The following DNAH12 variants were observed in gnomAD, a reference collection of about 807,000 sequenced individuals.
DNAH12 encodes the protein dynein axonemal heavy chain 12, also known as axonemal beta dynein heavy chain 12.
Under a neutral mutation model 371.5 loss-of-function variants are expected in DNAH12, and 285 were observed. That is an observed-to-expected ratio of 0.77 (90% CI 0.70 to 0.85). The LOEUF (loss-of-function observed/expected upper bound fraction) is 0.85. DNAH12 is among the 40% of genes least tolerant of loss of function. The pLI, the probability that DNAH12 is intolerant of heterozygous loss-of-function variation, is 0.00. For missense variants in DNAH12, 3,611 were observed against 3,689.4 expected (o/e 0.98, Z 0.55); for synonymous variants, 1,200 against 1,213.0 (o/e 0.99, Z 0.22).
At chr3:57,363,042 TGTATAAG>T (rs1176486758) in intron 58 of DNAH12, among the ~76,000 whole-genome samples, 2 of 152,214 alleles carry the variant, frequency 1.3e-5, no homozygotes, top group African/African-American at 4.8e-5. Flanking sequence ...AATTAATTTT[TGTATAAG>T]GTATAAGGGA....
At position 57,429,542 on chromosome 3, in the gene DNAH12, C is replaced by T. The variant is rs2064890833; in HGVS notation, c.5064+149G>A. The T allele has an allele frequency of 4.4e-6, 3 of 684,016 alleles. No homozygotes were observed. In the East Asian group the frequency reaches 9.6e-5, roughly 22 times the overall value. 42.4% of individuals were successfully genotyped at this position (684,016 alleles called of 1,614,324 possible). On this transcript the variant is annotated intron_variant, in intron 33 of 73. Transcript: ENST00000495027. ...ATGGGATTATTAACATGCTTCTCAT[C>T]CTCCCTAAACAAGCATACACTGTGT...
chr3:57,400,496 G>T (rs1201010164), intron 43 of DNAH12, among the ~76,000 whole-genome samples: 1 of 152,134 alleles, frequency 6.6e-6, no homozygotes, highest in Non-Finnish European at 1.5e-5. Flanking sequence ...GTGGATGCCT[G>T]AAACAACAGA....
intron 27 of DNAH12, among the ~76,000 whole-genome samples, chr3:57,445,670 G>GT (rs112997430): frequency 1.5e-4 from 22 of 147,960 alleles, no homozygotes; most frequent in Non-Finnish European, 2.8e-4. Context: ...ATTATGCTGG[G>GT]TTTTTTTAAT....
At position 57,542,848 on chromosome 3, in the gene DNAH12, G is replaced by A. The variant is rs772630802; in HGVS notation, c.23C>T (p.Ala8Val). The change falls in exon 2 of 74, where the codon GCC (alanine) becomes GTC (valine). Residue 8 changes from alanine to valine, a missense_variant. Coordinates refer to ENST00000495027, the MANE Select transcript of DNAH12 (RefSeq NM_001366028.2). MSDANKA[A>V]IAAEKEALNL... ...CAGAGCTTCCTTTTCTGCTGCAATG[G>A]CAGCTTTGTTTGCATCTGACATCTT... 3 of 1,595,006 alleles carry A rather than the reference G, an allele frequency of 1.9e-6. No homozygotes were observed. In the South Asian group the frequency reaches 3.4e-5, roughly 18 times the overall value.
intron 62 of DNAH12, among the ~76,000 whole-genome samples, chr3:57,332,535 G>C (rs2062123699): frequency 6.6e-6 from 1 of 152,180 alleles, no homozygotes; most frequent in East Asian, 1.9e-4. Context: ...TCTTCTTGGA[G>C]GTATGCTAGA....
At chr3:57,397,479 G>T (rs1190591839) in intron 43 of DNAH12, among the ~76,000 whole-genome samples, 1 of 152,134 alleles carries the variant, frequency 6.6e-6, no homozygotes, top group Non-Finnish European at 1.5e-5. Flanking sequence ...TTGTGTGGGG[G>T]CTGTTTCACC....
chr3:57,346,930 A>G (rs2062557124), intron 60 of DNAH12, among the ~76,000 whole-genome samples: 1 of 152,190 alleles, frequency 6.6e-6, no homozygotes, highest in African/African-American at 2.4e-5. Flanking sequence ...AACAGATAAT[A>G]TGAATAGACC....
At position 57,502,307 on chromosome 3, in the gene DNAH12, T is replaced by C. The variant is rs375507192; in HGVS notation, c.1243+16A>G. 4 of 1,613,092 alleles carry C rather than the reference T, an allele frequency of 2.5e-6. No homozygotes were observed. The highest frequency in any genetic ancestry group is 1.1e-5 in the South Asian group (1 of 90,930). ...AGTGATGACAAATGGTATAATATTATGTATGTCATACACACCATATGTCTC... is the reference window on the plus strand; with the variant it reads ...AGTGATGACAAATGGTATAATATTACGTATGTCATACACACCATATGTCTC... On this transcript the variant is annotated intron_variant, in intron 10 of 73. Transcript: ENST00000495027.
chr3:57,414,801 T>A (rs546722381), intron 38 of DNAH12, among the ~76,000 whole-genome samples: 4 of 152,282 alleles, frequency 2.6e-5, no homozygotes, highest in African/African-American at 9.6e-5. Context: ...TCTAAATTTG[T>A]AAGATTTTGA....
At chr3:57,294,813 TAA>T (rs2061199908) in intron 73 of DNAH12, among the ~76,000 whole-genome samples, 1 of 152,162 alleles carries the variant, frequency 6.6e-6, no homozygotes. Flanking sequence ...TATAAGATAT[TAA>T]GAGTCTTTCC....
At chr3:57,432,086 C>CTTA (rs1305829835) in intron 32 of DNAH12, among the ~76,000 whole-genome samples, 1 of 152,006 alleles carries the variant, frequency 6.6e-6, no homozygotes, top group Non-Finnish European at 1.5e-5. Context: ...TACTTTCTAC[C>CTTA]CTAAGCTCAA....
chr3:57,361,419 C>T (rs1463261480), intron 58 of DNAH12, among the ~76,000 whole-genome samples: 1 of 139,216 alleles, frequency 7.2e-6, no homozygotes, highest in East Asian at 2.1e-4. Flanking sequence ...TATACACACA[C>T]ACTATATATA....
At chr3:57,351,610 T>A (rs1216313486) in intron 60 of DNAH12, among the ~76,000 whole-genome samples, 1 of 152,128 alleles carries the variant, frequency 6.6e-6, no homozygotes, top group African/African-American at 2.4e-5. Flanking sequence ...TGCTACCACA[T>A]GGATGAATCT....
chr3:57,294,199 C>A (rs1337411761), intron 73 of DNAH12, among the ~76,000 whole-genome samples: 1 of 128,404 alleles, frequency 7.8e-6, no homozygotes, highest in Non-Finnish European at 1.6e-5. Flanking sequence ...TTTTTGGAGA[C>A]TGAGTCTCAC....
chr3:57,304,356 A>G (rs2061425419), intron 69 of DNAH12, among the ~76,000 whole-genome samples: 2 of 152,048 alleles, frequency 1.3e-5, no homozygotes, highest in Non-Finnish European at 2.9e-5. Flanking sequence ...TCCACCTATG[A>G]CCTCGGGTCC....
At chr3:57,351,468 G>A (rs2062673754) in intron 60 of DNAH12, among the ~76,000 whole-genome samples, 1 of 152,072 alleles carries the variant, frequency 6.6e-6, no homozygotes, top group Non-Finnish European at 1.5e-5. Context: ...ACACAAGAGT[G>A]TTCATAGCAC....
intron 72 of DNAH12, 110 bp from the exon 73 acceptor site, chr3:57,295,702 G>T (rs1297142128): frequency 4.7e-6 from 4 of 850,356 alleles, no homozygotes; most frequent in African/African-American, 3.5e-5. Flanking sequence ...TAGAGGCATA[G>T]AGAAAAAGAA....
chr3:57,515,449 C>CG (rs1553716702), intron 4 of DNAH12, among the ~76,000 whole-genome samples: 1 of 151,690 alleles, frequency 6.6e-6, no homozygotes, highest in African/African-American at 2.4e-5. Flanking sequence ...AACTGAACTT[C>CG]AAATTAATAA....
At chr3:57,302,555 A>ATGGTTTT (rs1559535346) in intron 69 of DNAH12, among the ~76,000 whole-genome samples, 1 of 80,990 alleles carries the variant, frequency 1.2e-5, no homozygotes, top group African/African-American at 4.4e-5. Flanking sequence ...ATATATATAT[A>ATGGTTTT]TATATATATG....
Sources: gnomAD v4.1 joint callset for allele counts (sites outside exome capture counted in the v4.1 genomes callset) on GRCh38, gnomAD v4.1.1 for gene constraint, MANE v1.5 for transcripts, NCBI Gene and HGNC (gene_info 2026-07-23, HGNC 2026-07-21) for gene names.